Variants in DCAF10 observed in about 807,000 individuals in gnomAD.
DCAF10 encodes the protein DDB1- and CUL4-associated factor 10.
Under a neutral mutation model 51.9 loss-of-function variants are expected in DCAF10, and 19 were observed. The observed-to-expected ratio is 0.37, with a 90% CI of 0.26 to 0.54. The LOEUF is 0.54. Among genes scored for constraint, DCAF10 ranks in the 20% least tolerant of loss-of-function variants. The probability of loss-of-function intolerance (pLI) is 0.87; values close to 1 mark genes in which losing one functional copy is unlikely to be tolerated. For synonymous variants in DCAF10, 291 were observed against 297.1 expected, an observed-to-expected ratio of 0.98 and a Z score of 0.21; for missense variants, 510 against 730.6, an observed-to-expected ratio of 0.70 and a Z score of 3.48.
intron 2 of DCAF10, among the ~76,000 whole-genome samples, chr9:37,827,771 G>A (rs573585055): frequency 6.6e-6 from 1 of 152,314 alleles, no homozygotes; most frequent in African/African-American, 2.4e-5. Flanking sequence ...AGTAGAAAGT[G>A]ACTCTGCATA....
At position 37,857,260 on chromosome 9, in the gene DCAF10, T is replaced by G. The variant is rs377098911; in HGVS notation, c.1074T>G (p.Ser358Arg). Residue 358 changes from serine to arginine, a missense_variant, in exon 5 of 7, where the codon AGT (serine) becomes AGG (arginine). Transcript: ENST00000377724. ...TTTAAGATTTGACCACTTCATCAAGTTCATCTGGTCCTAGAGTTTCTGGCT... is the reference window on the plus strand; with the variant it reads ...TTTAAGATTTGACCACTTCATCAAGGTCATCTGGTCCTAGAGTTTCTGGCT... ...TSSSDLTTSS[S>R]SSGPRVSGSP... is the part of the protein sequence containing the mutation. 8.1e-6 allele frequency: 13 copies of G among 1,600,784 alleles called. No homozygotes were observed. The African/African-American group carries it at 1.8e-4, about 22-fold the overall frequency.
At chr9:37,843,049 G>A (rs139641998) in intron 3 of DCAF10, among the ~76,000 whole-genome samples, 2,218 of 152,236 alleles carry the variant, frequency 0.015, 25 homozygotes, top group Middle Eastern at 0.037. Context: ...ACAGGGTCTC[G>A]CATTGTCACC....
intron 2 of DCAF10, among the ~76,000 whole-genome samples, chr9:37,820,114 AT>A (rs1347607434): frequency 1.3e-5 from 2 of 152,214 alleles, no homozygotes; most frequent in African/African-American, 4.8e-5. Context: ...TATTACTTTT[AT>A]AATTATTACT....
rs553405672 is a variant in DCAF10 at position 37,800,860 on chromosome 9, G to A, written c.-7G>A. The A allele has an allele frequency of 2.5e-5, 37 of 1,488,854 alleles. No individual in the cohort carries two copies. In the African/African-American group the frequency reaches 4.1e-4, roughly 16 times the overall value. 92.2% of individuals were successfully genotyped at this position (1,488,854 alleles called of 1,614,324 possible). A position where few individuals can be genotyped will look rare whatever the true frequency, so the allele number is the denominator to read the frequency against. ...GTGGCCCGGAGCGGGGGGCGGGGGCGTTGATCATGTTTCCCTTTGGGCCCC... is the reference window on the plus strand; with the variant it reads ...GTGGCCCGGAGCGGGGGGCGGGGGCATTGATCATGTTTCCCTTTGGGCCCC... On this transcript the variant is annotated 5_prime_UTR_variant, in exon 1 of 7. Coordinates refer to ENST00000377724, the MANE Select transcript of DCAF10 (RefSeq NM_024345.5).
At chr9:37,860,280 T>C in intron 6 of DCAF10, 87 bp downstream of exon 6, 1 of 1,534,108 alleles carries the variant, frequency 6.5e-7, no homozygotes, top group East Asian at 2.3e-5. Flanking sequence ...GATCGCTGAC[T>C]GCAGTCTCTG....
At chr9:37,825,996 C>G (rs944386593) in intron 2 of DCAF10, among the ~76,000 whole-genome samples, 23 of 150,492 alleles carry the variant, frequency 1.5e-4, no homozygotes, top group African/African-American at 4.4e-4. Flanking sequence ...GATCGCGTCA[C>G]TGCACACCAG....
In DCAF10 at chr9:37,865,944, C is replaced by G. The variant is rs1475426052; in HGVS notation, c.*4436C>G. The G allele has an allele frequency of 6.6e-6, 1 of 152,586 alleles. No individual in the cohort carries two copies. Among genetic ancestry groups the G allele is most frequent in the Non-Finnish European group, 1.5e-5 (1 of 68,018 alleles). 9.5% of individuals were successfully genotyped at this position (152,586 alleles called of 1,614,324 possible). ...GAAAGTGCAATATAGGGAAAACACT[C>G]TAAGAATCTTTTAAAAGCCTAGTGT... On this transcript the variant is annotated 3_prime_UTR_variant, in exon 7 of 7. Coordinates refer to ENST00000377724, the MANE Select transcript of DCAF10 (RefSeq NM_024345.5).
rs184198910 is a variant in DCAF10 at position 37,824,984 on chromosome 9, T to G, written c.653+5583T>G. On this transcript the variant is annotated intron_variant, in intron 2 of 6. Coordinates refer to ENST00000377724, the MANE Select transcript of DCAF10 (RefSeq NM_024345.5). ...AAGTCTACAATTATAGTGAGATATT[T>G]TAATACAGGTGTGTCCAAAACTGAT... Among the ~76,000 whole-genome samples the G allele has an allele frequency of 5.3e-5, 8 of 152,290 alleles. No homozygotes were observed. In the East Asian group the frequency reaches 9.7e-4, roughly 18 times the overall value.
chr9:37,830,738 A>G (rs1829982222), intron 2 of DCAF10, among the ~76,000 whole-genome samples: 1 of 152,236 alleles, frequency 6.6e-6, no homozygotes, highest in Admixed American at 6.5e-5. Flanking sequence ...ACTTGTGCCA[A>G]GTTGTTTGCC....
In DCAF10 at chr9:37,852,119, T is replaced by A. The variant is rs553435505; in HGVS notation, c.852-2661T>A. 1.4e-4 allele frequency among the ~76,000 whole-genome samples: 22 copies of A among 152,186 alleles called. 1 individual carries two copies. In the South Asian group the frequency reaches 4.1e-3, roughly 29 times the overall value. On this transcript the variant is annotated intron_variant, in intron 3 of 6. Transcript: ENST00000377724. The stretch of plus-strand genomic sequence containing the variant: ...ACATATACCAGTGAAATTGCAGTAC[T>A]CTAAAGACAGAGAGAAGATTCACCA...
intron 3 of DCAF10, among the ~76,000 whole-genome samples, chr9:37,849,958 G>A (rs1830586334): frequency 6.6e-6 from 1 of 152,014 alleles, no homozygotes; most frequent in South Asian, 2.1e-4. Flanking sequence ...ACTCAAGAGG[G>A]CGAGACAGGA....
intron 4 of DCAF10, among the ~76,000 whole-genome samples, chr9:37,855,206 G>A (rs1363447118): frequency 6.6e-6 from 1 of 152,184 alleles, no homozygotes; most frequent in Non-Finnish European, 1.5e-5. Context: ...AATGGACTAG[G>A]AGGAATAACT....
In DCAF10 at chr9:37,816,674, G is replaced by A. The variant is rs530451276; in HGVS notation, c.540-2614G>A. ...CTGCACCTGGGGTGTGTGTGTGTGTGTGTGTGTGTGTGTGTGTATACATAA... is the reference window on the plus strand; with the variant it reads ...CTGCACCTGGGGTGTGTGTGTGTGTATGTGTGTGTGTGTGTGTATACATAA... On this transcript the variant is annotated intron_variant, in intron 1 of 6. Coordinates refer to ENST00000377724, the MANE Select transcript of DCAF10 (RefSeq NM_024345.5). Among the ~76,000 whole-genome samples the A allele has an allele frequency of 3.3e-5, 5 of 152,112 alleles. No homozygotes were observed. The South Asian group carries it at 1.0e-3, about 32-fold the overall frequency.
intron 2 of DCAF10, chr9:37,836,203 G>C: frequency 1.3e-6 from 2 of 1,493,820 alleles, no homozygotes; most frequent in South Asian, 2.3e-5. Flanking sequence ...TATGAAATGA[G>C]AACACTTTAC....
At chr9:37,857,383 A>T in intron 5 of DCAF10, 32 bp downstream of exon 5, 1 of 1,459,768 alleles carries the variant, frequency 6.9e-7, no homozygotes, top group Non-Finnish European at 9.5e-7. Flanking sequence ...ATAATCTTGT[A>T]ACAACAGATT....
At position 37,862,705 on chromosome 9, in the gene DCAF10, T is replaced by G. The variant is rs771201609; in HGVS notation, c.*1197T>G. Reference sequence around the variant, plus strand: ...TCAAGCACAAGGCTGACTGTTCTACTTTGAATAACAGCTTCCTTGCAGTCT... The same window carrying G: ...TCAAGCACAAGGCTGACTGTTCTACGTTGAATAACAGCTTCCTTGCAGTCT... On this transcript the variant is annotated 3_prime_UTR_variant, in exon 7 of 7. Coordinates refer to ENST00000377724, the MANE Select transcript of DCAF10 (RefSeq NM_024345.5). 11 of 152,254 alleles carry G rather than the reference T, an allele frequency of 7.2e-5. No individual in the cohort carries two copies. Among genetic ancestry groups the G allele is most frequent in the Non-Finnish European group, 1.6e-4 (11 of 68,050 alleles). The allele number at this position is 152,254 out of a possible 1,614,324, so 9.4% of individuals were successfully genotyped here. A position where few individuals can be genotyped will look rare whatever the true frequency, so the allele number is the denominator to read the frequency against.
At chr9:37,836,846 C>T (rs937714566) in intron 2 of DCAF10, among the ~76,000 whole-genome samples, 2 of 151,658 alleles carry the variant, frequency 1.3e-5, no homozygotes, top group Non-Finnish European at 2.9e-5. Context: ...TGCTATTTAC[C>T]TTTGTGCAGG....
chr9:37,815,318 T>A (rs967443280), intron 1 of DCAF10, among the ~76,000 whole-genome samples: 4 of 152,166 alleles, frequency 2.6e-5, no homozygotes, highest in Non-Finnish European at 5.9e-5. Context: ...CTAGTCAGTA[T>A]AACAACCAAA....
In DCAF10 at chr9:37,857,272, TAG is replaced by T; in HGVS notation, c.1089_1090del (p.Arg363SerfsTer9). 1 of 1,609,910 alleles carries T rather than the reference TAG, an allele frequency of 6.2e-7. No individual in the cohort carries two copies. The highest frequency in any genetic ancestry group is 1.1e-5 in the South Asian group (1 of 90,262). ...LTTSSSSSGP[R>X]VSGSPCHHSD... ...CCACTTCATCAAGTTCATCTGGTCC[TAG>T]AGTTTCTGGCTCACCTTGTCATCAT... On this transcript the variant is annotated frameshift_variant, in exon 5 of 7. Coordinates refer to ENST00000377724, the MANE Select transcript of DCAF10 (RefSeq NM_024345.5). LOFTEE classifies it high-confidence loss of function.
Sources: allele counts gnomAD v4.1 joint callset (sites outside exome capture counted in the v4.1 genomes callset), GRCh38; gene constraint gnomAD v4.1.1; transcripts MANE v1.5; gene names NCBI Gene and HGNC (gene_info 2026-07-23, HGNC 2026-07-21).